PDK1: variants seen among roughly 807,000 people sequenced by gnomAD.
PDK1 encodes pyruvate dehydrogenase kinase 1, also known as [Pyruvate dehydrogenase (acetyl-transferring)] kinase isozyme 1, mitochondrial.
PDK1 carries 39 observed loss-of-function variants against 54.2 expected under a neutral mutation model. That is an observed-to-expected ratio of 0.72 (90% CI 0.56 to 0.94). The LOEUF (loss-of-function observed/expected upper bound fraction) is 0.94. Ranked by LOEUF, PDK1 falls within the 40% of genes least tolerant of loss-of-function variation. PDK1 has a pLI of 0.00. For synonymous variants in PDK1, 221 were observed against 207.1 expected (o/e 1.07, Z -0.58); for missense variants, 552 against 566.0 (o/e 0.98, Z 0.25).
chr2:172,690,702 G>A, the PDK1 span, among the ~76,000 whole-genome samples: 2 of 150,018 alleles, frequency 1.3e-5, 1 homozygote, highest in Admixed American at 1.4e-4. Flanking sequence ...TCCTTTGCAG[G>A]GACATGGATG....
chr2:172,591,275 G>A (rs890670922), intron 9 of PDK1, among the ~76,000 whole-genome samples: 1 of 152,204 alleles, frequency 6.6e-6, no homozygotes, highest in Admixed American at 6.5e-5. Context: ...CAACTCCAGA[G>A]GTTGGTATAA....
chr2:172,573,815 G>T (rs1689429269), intron 8 of PDK1, among the ~76,000 whole-genome samples: 1 of 152,040 alleles, frequency 6.6e-6, no homozygotes, highest in Non-Finnish European at 1.5e-5. Context: ...TTTAAATAGA[G>T]ATGGGGTCTT....
At chr2:172,691,461 T>C in the PDK1 span, 2 of 137,020 alleles carry the variant, frequency 1.5e-5, no homozygotes, top group East Asian at 6.3e-4. Flanking sequence ...CCGTTGGTTT[T>C]GTACATTCTA....
the PDK1 span, among the ~76,000 whole-genome samples, chr2:172,645,792 C>T: frequency 0.053 from 8,030 of 152,218 alleles, 404 homozygotes; most frequent in East Asian, 0.22. Context: ...ATCTTTATTT[C>T]CCCTAGATTC....
chr2:172,580,238 CTTTT>C (rs11287577), intron 8 of PDK1, among the ~76,000 whole-genome samples: 17 of 127,302 alleles, frequency 1.3e-4, no homozygotes, highest in East Asian at 4.7e-4. Flanking sequence ...GAATGTATCA[CTTTT>C]TTTTTTTTTT....
chr2:172,621,816 G>A, the PDK1 span, among the ~76,000 whole-genome samples: 1 of 130,998 alleles, frequency 7.6e-6, no homozygotes, highest in African/African-American at 3.5e-5. Flanking sequence ...TATCTCATAT[G>A]TATGATATAT....
Position 172,566,548 on chromosome 2 carries a change from G to A in PDK1, c.692-308G>A, listed in dbSNP as rs148700342. On this transcript the variant is annotated intron_variant, in intron 5 of 10. Coordinates refer to ENST00000282077, the MANE Select transcript of PDK1 (RefSeq NM_002610.5). ...CTCCAGCCTGGTTGATCGAGACTCC[G>A]TCTCAAAGGAAAAAAAAAAAGGAAA... Among the ~76,000 whole-genome samples the A allele has an allele frequency of 2.2e-3, 333 of 151,616 alleles. 2 individuals are homozygous for A. Among genetic ancestry groups the A allele is most frequent in the East Asian group, 0.012 (60 of 5,154 alleles).
the PDK1 span, among the ~76,000 whole-genome samples, chr2:172,661,931 C>G: frequency 6.6e-6 from 1 of 152,042 alleles, no homozygotes; most frequent in African/African-American, 2.4e-5. Context: ...AACAAACCTG[C>G]GTTTGTACAC....
intron 1 of PDK1, among the ~76,000 whole-genome samples, chr2:172,557,721 C>T (rs1049868941): frequency 2.0e-5 from 3 of 151,630 alleles, no homozygotes; most frequent in Non-Finnish European, 4.4e-5. Context: ...CTCAAGCCAT[C>T]CTCCCACCTC....
chr2:172,555,919 T>TCCGGCGAGGGGGCGGGCCC (rs1688285173), upstream of PDK1: 1 of 369,860 alleles, frequency 2.7e-6, no homozygotes, highest in Non-Finnish European at 4.8e-6. Context: ...TGGGCGGGAC[T>TCCGGCGAGGGGGCGGGCCC]CCGGCGAGGG....
intron 1 of PDK1, among the ~76,000 whole-genome samples, chr2:172,557,643 G>GTA (rs1688414886): frequency 7.2e-6 from 1 of 139,404 alleles, no homozygotes; most frequent in South Asian, 2.3e-4. Context: ...GTGTGTGTGT[G>GTA]TGTATTTTTT....
chr2:172,702,488 AAAAGAC>A, the PDK1 span, among the ~76,000 whole-genome samples: 2 of 151,836 alleles, frequency 1.3e-5, no homozygotes, highest in African/African-American at 2.4e-5. Context: ...AAAAAAAAAA[AAAAGAC>A]AGAGGGATTT....
intron 3 of PDK1, among the ~76,000 whole-genome samples, chr2:172,563,178 A>C (rs1558927773): frequency 6.6e-6 from 1 of 152,192 alleles, no homozygotes. Flanking sequence ...GTCTTACTTT[A>C]AAAGTAAACA....
the PDK1 span, among the ~76,000 whole-genome samples, chr2:172,629,582 T>A: frequency 6.6e-6 from 1 of 152,004 alleles, no homozygotes; most frequent in African/African-American, 2.4e-5. Context: ...CTCAATAAAA[T>A]CCTCCACACT....
In PDK1 at chr2:172,605,796, T is replaced by A. The variant is rs1460363038; in HGVS notation, c.*9827T>A. 1 of 152,212 alleles carries A rather than the reference T, an allele frequency of 6.6e-6. No homozygotes were observed. The highest frequency in any genetic ancestry group is 1.9e-4 in the East Asian group (1 of 5,200). The allele number at this position is 152,212 out of a possible 1,614,324, so 9.4% of individuals were successfully genotyped here. Reference sequence around the variant, plus strand: ...ATTAATTATTGGAAAATAATTCACCTACTTTGCTTCTCTCTGACCAACATA... The same window carrying A: ...ATTAATTATTGGAAAATAATTCACCAACTTTGCTTCTCTCTGACCAACATA... On this transcript the variant is annotated 3_prime_UTR_variant, in exon 11 of 11. Coordinates refer to ENST00000282077, the MANE Select transcript of PDK1 (RefSeq NM_002610.5).
At chr2:172,704,765 C>G in the PDK1 span, among the ~76,000 whole-genome samples, 2 of 152,208 alleles carry the variant, frequency 1.3e-5, no homozygotes, top group Admixed American at 6.5e-5. Flanking sequence ...CAGACGCTCT[C>G]CCTCATCTGT....
At chr2:172,570,944 C>A (rs2149232668) in intron 8 of PDK1, 120 bp downstream of exon 8, 1 of 622,366 alleles carries the variant, frequency 1.6e-6, no homozygotes, top group Middle Eastern at 3.0e-4. Flanking sequence ...GGAAAAGAAT[C>A]TTGTCTGTAA....
chr2:172,680,767 C>A, the PDK1 span, among the ~76,000 whole-genome samples: 1 of 152,158 alleles, frequency 6.6e-6, no homozygotes, highest in East Asian at 1.9e-4. Context: ...GGCAACTGGT[C>A]AAAGCTCTCT....
chr2:172,635,945 G>A, the PDK1 span, among the ~76,000 whole-genome samples: 2 of 152,214 alleles, frequency 1.3e-5, no homozygotes, highest in Non-Finnish European at 2.9e-5. Context: ...TGGAAACCCA[G>A]TAAAAGCTGT....
Sources: gnomAD v4.1 joint callset for allele counts (sites outside exome capture counted in the v4.1 genomes callset) on GRCh38, gnomAD v4.1.1 for gene constraint, MANE v1.5 for transcripts, NCBI Gene and HGNC (gene_info 2026-07-23, HGNC 2026-07-21) for gene names.